GRM3: variants seen among roughly 807,000 people sequenced by gnomAD.
GRM3 encodes glutamate metabotropic receptor 3.
In GRM3, 26 loss-of-function variants were observed where a neutral mutation model predicts 70.5. The ratio of observed to expected loss-of-function variants is 0.37; its 90% CI spans 0.27 to 0.51. GRM3 has a LOEUF of 0.51. Among genes scored for constraint, GRM3 ranks in the 20% least tolerant of loss-of-function variants. The pLI is 0.93. For missense variants in GRM3, 859 were observed against 1,123.8 expected, an observed-to-expected ratio of 0.76 and a Z score of 3.37; for synonymous variants, 443 against 434.9, an observed-to-expected ratio of 1.02 and a Z score of -0.23.
chr7:86,699,866 A>G (rs568129345), intron 1 of GRM3, among the ~76,000 whole-genome samples: 68 of 152,148 alleles, frequency 4.5e-4, no homozygotes, highest in African/African-American at 1.5e-3. Flanking sequence ...TATTATCACT[A>G]TCCTTGCTCT....
At chr7:86,668,157 T>C (rs1377374100) in intron 1 of GRM3, among the ~76,000 whole-genome samples, 1 of 152,186 alleles carries the variant, frequency 6.6e-6, no homozygotes, top group Non-Finnish European at 1.5e-5. Flanking sequence ...TTTCAATTGT[T>C]GCTATGCTAG....
chr7:86,767,732 A>G (rs1562854723), intron 2 of GRM3, among the ~76,000 whole-genome samples: 1 of 151,822 alleles, frequency 6.6e-6, no homozygotes, highest in Non-Finnish European at 1.5e-5. Flanking sequence ...TAGTGCAATA[A>G]ATGGTACTCT....
At chr7:86,721,436 C>G (rs1295044921) in intron 1 of GRM3, among the ~76,000 whole-genome samples, 1 of 152,038 alleles carries the variant, frequency 6.6e-6, no homozygotes, top group Non-Finnish European at 1.5e-5. Context: ...CAAATAATGC[C>G]TAAGTATTTC....
intron 1 of GRM3, among the ~76,000 whole-genome samples, chr7:86,683,985 T>C (rs1794502743): frequency 6.6e-6 from 1 of 152,200 alleles, no homozygotes; most frequent in Non-Finnish European, 1.5e-5. Context: ...TTTGAAGCTC[T>C]AAATATTATA....
intron 1 of GRM3, among the ~76,000 whole-genome samples, chr7:86,672,022 G>A (rs1157149292): frequency 6.6e-6 from 1 of 151,956 alleles, no homozygotes; most frequent in Non-Finnish European, 1.5e-5. Context: ...ACTTCTCTGG[G>A]GGTTTTATTT....
At chr7:86,802,659 A>G (rs2116625619) in intron 3 of GRM3, among the ~76,000 whole-genome samples, 1 of 152,096 alleles carries the variant, frequency 6.6e-6, no homozygotes, top group African/African-American at 2.4e-5. Context: ...TGAAGACTAC[A>G]TTTCTCTTCC....
chr7:86,646,907 T>C (rs1489937757), intron 1 of GRM3, among the ~76,000 whole-genome samples: 5 of 152,202 alleles, frequency 3.3e-5, no homozygotes, highest in African/African-American at 1.2e-4. Flanking sequence ...GTGGTATACA[T>C]GTGAAAAGGA....
At chr7:86,645,988 G>T in intron 1 of GRM3, among the ~76,000 whole-genome samples, 1 of 25,064 alleles carries the variant, frequency 4.0e-5, no homozygotes, top group African/African-American at 1.3e-4. Context: ...GGTGGGCGGG[G>T]GGGTGGGGGT....
At chr7:86,737,355 T>G (rs1444473826) in intron 1 of GRM3, among the ~76,000 whole-genome samples, 1 of 152,218 alleles carries the variant, frequency 6.6e-6, no homozygotes. Context: ...TTTGTTTCAC[T>G]TCCAAGAACA....
intron 1 of GRM3, among the ~76,000 whole-genome samples, chr7:86,722,681 C>T (rs1301757653): frequency 6.6e-6 from 1 of 152,004 alleles, no homozygotes; most frequent in African/African-American, 2.4e-5. Context: ...GTGCAGCAAA[C>T]CACCATTGCA....
intron 5 of GRM3, among the ~76,000 whole-genome samples, chr7:86,856,092 A>G (rs772402593): frequency 1.2e-4 from 18 of 152,150 alleles, no homozygotes; most frequent in Non-Finnish European, 2.4e-4. Context: ...TTTCATGGAG[A>G]ATATACCCAA....
At chr7:86,644,910 C>G in intron 1 of GRM3, 38 bp downstream of exon 1, 7 of 1,196,476 alleles carry the variant, frequency 5.9e-6, no homozygotes, top group Non-Finnish European at 7.7e-6. Flanking sequence ...CTCTGGAGGG[C>G]GCCCAGCCAG....
rs1428369898 is a variant in GRM3 at position 86,672,817 on chromosome 7, G to T, written c.-141+27945G>T. 2.6e-5 allele frequency among the ~76,000 whole-genome samples: 4 copies of T among 152,194 alleles called. No individual in the cohort carries two copies. In the East Asian group the frequency reaches 5.8e-4, roughly 22 times the overall value. ...AGCTTTCCATGTAGTTTTCACAAATGCTTTTCTCTGACTTTGCTAAAAATG... is the reference window on the plus strand; with the variant it reads ...AGCTTTCCATGTAGTTTTCACAAATTCTTTTCTCTGACTTTGCTAAAAATG... On this transcript the variant is annotated intron_variant, in intron 1 of 5. Coordinates refer to ENST00000361669, the MANE Select transcript of GRM3 (RefSeq NM_000840.3).
chr7:86,697,274 T>C (rs1259028739), intron 1 of GRM3, among the ~76,000 whole-genome samples: 2 of 149,030 alleles, frequency 1.3e-5, no homozygotes, highest in African/African-American at 5.0e-5. Flanking sequence ...ACAATTATAG[T>C]ATACAATTAA....
intron 4 of GRM3, among the ~76,000 whole-genome samples, chr7:86,842,638 T>A (rs1798578606): frequency 6.6e-6 from 1 of 152,070 alleles, no homozygotes; most frequent in Non-Finnish European, 1.5e-5. Flanking sequence ...GCTGAAAAAA[T>A]TTTGAGCATC....
In GRM3 at chr7:86,644,766, G is replaced by T. The variant is rs1283850942; in HGVS notation, c.-247G>T. ...ACAAAGCCAGTAAGCTACCTCTTTTGTGTCGGATGAGGAGGACCAACCATG... is the reference window on the plus strand; with the variant it reads ...ACAAAGCCAGTAAGCTACCTCTTTTTTGTCGGATGAGGAGGACCAACCATG... On this transcript the variant is annotated 5_prime_UTR_variant, in exon 1 of 6. Coordinates refer to ENST00000361669, the MANE Select transcript of GRM3 (RefSeq NM_000840.3). The T allele has an allele frequency of 7.8e-7, 1 of 1,285,822 alleles. No individual in the cohort carries two copies. Among genetic ancestry groups the T allele is most frequent in the African/African-American group, 1.5e-5 (1 of 65,792 alleles). 79.7% of individuals were successfully genotyped at this position (1,285,822 alleles called of 1,614,324 possible).
chr7:86,789,686 T>C (rs1353883221), intron 3 of GRM3, among the ~76,000 whole-genome samples: 1 of 152,242 alleles, frequency 6.6e-6, no homozygotes, highest in Non-Finnish European at 1.5e-5. Context: ...GCTATTTGCA[T>C]GTACTCAATA....
At chr7:86,822,922 T>TA (rs1798151186) in intron 3 of GRM3, among the ~76,000 whole-genome samples, 1 of 152,218 alleles carries the variant, frequency 6.6e-6, no homozygotes, top group Admixed American at 6.5e-5. Flanking sequence ...TTATATTGCA[T>TA]AATTTTTGTC....
intron 1 of GRM3, among the ~76,000 whole-genome samples, chr7:86,746,585 G>C (rs575584201): frequency 6.6e-6 from 1 of 151,756 alleles, no homozygotes; most frequent in African/African-American, 2.4e-5. Context: ...GACATTCAAA[G>C]TCCACATAGC....
Sources: allele counts gnomAD v4.1 joint callset (sites outside exome capture counted in the v4.1 genomes callset), GRCh38; gene constraint gnomAD v4.1.1; transcripts MANE v1.5; gene names NCBI Gene and HGNC (gene_info 2026-07-23, HGNC 2026-07-21).